NSG1: variants seen among roughly 807,000 people sequenced by gnomAD.
NSG1 encodes neuronal vesicle trafficking-associated protein 1.
NSG1 carries 9 observed loss-of-function variants against 19.3 expected under a neutral mutation model. The observed-to-expected ratio is 0.47, with a 90% CI of 0.28 to 0.81. NSG1 has a LOEUF of 0.81. Among genes scored for constraint, NSG1 ranks in the 40% least tolerant of loss-of-function variants. The probability of loss-of-function intolerance (pLI) is 0.11; values close to 1 mark genes in which losing one functional copy is unlikely to be tolerated. For synonymous variants in NSG1, 104 were observed against 107.0 expected (o/e 0.97, Z 0.17); for missense variants, 236 against 242.4 (o/e 0.97, Z 0.18).
intron 4 of NSG1, chr4:4,415,849 T>A: frequency 2.0e-6 from 1 of 489,912 alleles, no homozygotes; most frequent in Non-Finnish European, 3.7e-6. Context: ...GAGGACAGCG[T>A]GAAGGGGCGT....
At chr4:4,412,498 C>G (rs1724265076) in intron 4 of NSG1, among the ~76,000 whole-genome samples, 1 of 151,776 alleles carries the variant, frequency 6.6e-6, no homozygotes, top group African/African-American at 2.4e-5. Flanking sequence ...GAGGGGGTGT[C>G]CTTTCCGGAG....
chr4:4,405,576 G>C (rs916008853), intron 3 of NSG1, among the ~76,000 whole-genome samples: 1 of 152,172 alleles, frequency 6.6e-6, no homozygotes, highest in East Asian at 1.9e-4. Flanking sequence ...TTCCGAGCCA[G>C]TTTCTGGAGA....
At chr4:4,416,039 T>G in intron 4 of NSG1, 1 of 699,064 alleles carries the variant, frequency 1.4e-6, no homozygotes, top group Non-Finnish European at 2.6e-6. Context: ...CTTTTGGCTT[T>G]CTTTTCTGTC....
rs1363845473 is a variant in NSG1 at position 4,411,075 on chromosome 4, C to T, written c.357+1392C>T. Among the ~76,000 whole-genome samples, 4 of 152,184 alleles carry T rather than the reference C, an allele frequency of 2.6e-5. No homozygotes were observed. In the South Asian group the frequency reaches 8.3e-4, roughly 32 times the overall value. On this transcript the variant is annotated intron_variant, in intron 4 of 4. Coordinates refer to ENST00000621129, the MANE Select transcript of NSG1 (RefSeq NM_014392.5). ...TTCACCATGTTGGCTAGGCCGGTCT[C>T]GAACTCCTGACCTCAGGTGATCCAC...
chr4:4,411,351 G>T (rs891424683), intron 4 of NSG1, among the ~76,000 whole-genome samples: 9 of 152,170 alleles, frequency 5.9e-5, no homozygotes, highest in Non-Finnish European at 7.3e-5. Context: ...GGCCTGCACA[G>T]GGTCAGGATC....
chr4:4,409,678 C>T lies in NSG1; in HGVS notation c.352C>T (p.Leu118Phe). ...YDRACPDGFV[L>F]KNTQCIPEGL... ...CCGCGCCTGCCCCGATGGGTTCGTC[C>T]TCAAGGTAAAACTCCGTTTTCCCCC... The change falls in exon 4 of 5, where the codon CTC (leucine) becomes TTC (phenylalanine). Residue 118 changes from leucine (L) to phenylalanine (F), a missense_variant. Coordinates refer to ENST00000621129, the MANE Select transcript of NSG1 (RefSeq NM_014392.5). 6.2e-7 allele frequency: 1 copy of T among 1,613,498 alleles called. No individual in the cohort carries two copies. Among genetic ancestry groups the T allele is most frequent in the Non-Finnish European group, 8.5e-7 (1 of 1,179,400 alleles).
intron 4 of NSG1, among the ~76,000 whole-genome samples, chr4:4,416,940 A>G (rs753722867): frequency 1.3e-5 from 2 of 152,178 alleles, no homozygotes; most frequent in Non-Finnish European, 2.9e-5. Context: ...AAAAATGACA[A>G]CTAGTGCAAG....
Position 4,417,343 on chromosome 4 carries a change from A to C in NSG1, c.466A>C (p.Ser156Arg), listed in dbSNP as rs935852509. 1 of 1,614,214 alleles carries C rather than the reference A, an allele frequency of 6.2e-7. No homozygotes were observed. The highest frequency in any genetic ancestry group is 8.5e-7 in the Non-Finnish European group (1 of 1,180,038). Residue 156 changes from serine to arginine, a missense_variant, in exon 5 of 5, where the codon AGC becomes CGC. By Grantham distance (110) the Ser-to-Arg change is moderately radical. Coordinates refer to ENST00000621129, the MANE Select transcript of NSG1 (RefSeq NM_014392.5). ...AAACCACTACAACCTGGCCAAGCAGAGCATCACGCGCTCCGTATCGCCCTG... is the reference window on the plus strand; with the variant it reads ...AAACCACTACAACCTGGCCAAGCAGCGCATCACGCGCTCCGTATCGCCCTG... ...VINHYNLAKQ[S>R]ITRSVSPWMS...
chr4:4,393,300 C>T (rs1433099929), intron 3 of NSG1, among the ~76,000 whole-genome samples: 2 of 152,212 alleles, frequency 1.3e-5, no homozygotes, highest in Non-Finnish European at 2.9e-5. Context: ...GCCTCTGTCC[C>T]CGACCTCTGG....
At chr4:4,412,910 G>C (rs1724294402) in intron 4 of NSG1, among the ~76,000 whole-genome samples, 1 of 152,162 alleles carries the variant, frequency 6.6e-6, no homozygotes, top group Non-Finnish European at 1.5e-5. Flanking sequence ...GTTTCATTTA[G>C]GTTTTGTTTT....
chr4:4,399,813 G>T (rs1723452935), intron 3 of NSG1, among the ~76,000 whole-genome samples: 1 of 152,208 alleles, frequency 6.6e-6, no homozygotes, highest in Non-Finnish European at 1.5e-5. Flanking sequence ...TCCTCATAAG[G>T]AGAACACAAC....
chr4:4,387,480 C>A, intron 1 of NSG1, 124 bp from the exon 2 acceptor site: 1 of 649,904 alleles, frequency 1.5e-6, no homozygotes, highest in South Asian at 1.9e-5. Flanking sequence ...CGAGCCCTCC[C>A]CGAGACGAAG....
At chr4:4,402,194 C>T (rs4538417) in intron 3 of NSG1, among the ~76,000 whole-genome samples, 3 of 139,984 alleles carry the variant, frequency 2.1e-5, no homozygotes, top group Admixed American at 7.9e-5. Context: ...AGCCTGGTTT[C>T]TTATTTTTTC....
intron 3 of NSG1, 85 bp from the exon 4 acceptor site, chr4:4,409,488 T>TGGG (rs375786742): frequency 1.1e-6 from 1 of 923,826 alleles, no homozygotes; most frequent in Non-Finnish European, 1.8e-6. Flanking sequence ...ACATGCTGTG[T>TGGG]GGGGGGGGGC....
chr4:4,387,490 G>A lies in NSG1; in HGVS notation c.-26-114G>A, dbSNP rs540834887. On this transcript the variant is annotated intron_variant, in intron 1 of 4. Transcript: ENST00000621129. ...CCCCACGAGCCCTCCCCGAGACGAA[G>A]CGGGGCCGGGGAGCTCGCGGACGCC... 66 of 675,272 alleles carry A rather than the reference G, an allele frequency of 9.8e-5. No individual in the cohort carries two copies. In the South Asian group the frequency reaches 1.2e-3, roughly 12 times the overall value. 41.8% of individuals were successfully genotyped at this position (675,272 alleles called of 1,614,324 possible). A position where few individuals can be genotyped will look rare whatever the true frequency, so the allele number is the denominator to read the frequency against.
chr4:4,387,705 C>A lies in NSG1; in HGVS notation c.76C>A (p.Pro26Thr). Residue 26 changes from proline (P) to threonine (T), a missense_variant, in exon 2 of 5, where the codon CCC (proline) becomes ACC (threonine). Physicochemically the swap from Pro to Thr is conservative, Grantham distance 38 (BLOSUM62 -1). Transcript: ENST00000621129. ...PLLEDGFDTI[P>T]LMTPLDVNQL... The stretch of plus-strand genomic sequence containing the variant: ...GCTGGAGGATGGCTTCGACACCATT[C>A]CCCTGATGACGCCCCTCGATGTCAA... 2.5e-6 allele frequency: 4 copies of A among 1,613,494 alleles called. No individual in the cohort carries two copies. Among genetic ancestry groups the A allele is most frequent in the Non-Finnish European group, 3.4e-6 (4 of 1,179,526 alleles).
At chr4:4,410,711 TG>T (rs967167016) in intron 4 of NSG1, among the ~76,000 whole-genome samples, 13 of 151,604 alleles carry the variant, frequency 8.6e-5, no homozygotes, top group African/African-American at 3.2e-4. Context: ...AGTGAGGGAG[TG>T]GGTGGTGAGT....
At chr4:4,387,071 C>A (rs1722754942), upstream of NSG1, 1 of 151,910 alleles carries the variant, frequency 6.6e-6, no homozygotes, top group Non-Finnish European at 1.5e-5. Context: ...CGTTCGCTCC[C>A]CTTCCCGGGT....
chr4:4,409,094 C>A (rs1045274554), intron 3 of NSG1, among the ~76,000 whole-genome samples: 8 of 152,246 alleles, frequency 5.3e-5, no homozygotes, highest in African/African-American at 1.9e-4. Flanking sequence ...TTTCCTGGTC[C>A]CACGCAAAAG....
Sources: gnomAD v4.1 joint callset for allele counts (sites outside exome capture counted in the v4.1 genomes callset) on GRCh38, gnomAD v4.1.1 for gene constraint, MANE v1.5 for transcripts, NCBI Gene and HGNC (gene_info 2026-07-23, HGNC 2026-07-21) for gene names.